Variants in GPR107 observed in about 807,000 individuals in gnomAD.
GPR107 encodes protein GPR107.
A neutral mutation model predicts 75.5 loss-of-function variants in GPR107; 31 were observed. The ratio of observed to expected loss-of-function variants is 0.41; its 90% CI spans 0.31 to 0.55. GPR107 has a LOEUF of 0.55. GPR107 is among the 20% of genes least tolerant of loss of function. GPR107 has a pLI of 0.26. For synonymous variants in GPR107, 267 were observed against 251.3 expected, an observed-to-expected ratio of 1.06 and a Z score of -0.59; for missense variants, 572 against 665.7, an observed-to-expected ratio of 0.86 and a Z score of 1.55.
chr9:130,070,562 C>T (rs981612375), intron 1 of GPR107, among the ~76,000 whole-genome samples: 1 of 152,100 alleles, frequency 6.6e-6, no homozygotes, highest in African/African-American at 2.4e-5. Flanking sequence ...CCTTGACCCC[C>T]CAAAGTGCTG....
At chr9:130,080,147 C>T (rs1681590145) in intron 5 of GPR107, among the ~76,000 whole-genome samples, 1 of 152,178 alleles carries the variant, frequency 6.6e-6, no homozygotes, top group African/African-American at 2.4e-5. Context: ...ATTTGCTCAA[C>T]CTTTCCCCTT....
At chr9:130,073,901 A>AT (rs1219222701) in intron 1 of GPR107, among the ~76,000 whole-genome samples, 1 of 152,054 alleles carries the variant, frequency 6.6e-6, no homozygotes, top group Non-Finnish European at 1.5e-5. Flanking sequence ...GATTACAGGC[A>AT]TGTGCCACAA....
chr9:130,070,870 C>G (rs990426876), intron 1 of GPR107, among the ~76,000 whole-genome samples: 2 of 151,720 alleles, frequency 1.3e-5, no homozygotes, highest in Non-Finnish European at 2.9e-5. Context: ...TTGCATGCCA[C>G]CACGCCTGGC....
chr9:130,065,423 G>A (rs2132541909), intron 1 of GPR107, among the ~76,000 whole-genome samples: 1 of 151,134 alleles, frequency 6.6e-6, no homozygotes, highest in South Asian at 2.1e-4. Flanking sequence ...GACAACAAGA[G>A]TGAAACTCCA....
intron 15 of GPR107, among the ~76,000 whole-genome samples, chr9:130,125,597 C>CTTTT (rs71387321): frequency 2.9e-5 from 3 of 103,136 alleles, no homozygotes; most frequent in Non-Finnish European, 5.7e-5. Context: ...ATCTGAGTTC[C>CTTTT]TTTTTTTTTT....
chr9:130,134,697 G>A (rs375971103), intron 17 of GPR107, among the ~76,000 whole-genome samples: 153 of 152,372 alleles, frequency 1.0e-3, no homozygotes, highest in African/African-American at 3.5e-3. Flanking sequence ...TCACATATCT[G>A]TGCGCCACAA....
intron 1 of GPR107, among the ~76,000 whole-genome samples, chr9:130,069,936 G>A (rs1354212940): frequency 6.8e-6 from 1 of 147,374 alleles, no homozygotes; most frequent in Non-Finnish European, 1.5e-5. Context: ...GCCCACCTTG[G>A]CCTCCCATCG....
At chr9:130,115,698 G>GAC (rs1831408685) in intron 14 of GPR107, among the ~76,000 whole-genome samples, 1 of 143,868 alleles carries the variant, frequency 7.0e-6, no homozygotes, top group Admixed American at 7.2e-5. Flanking sequence ...CCGGGAGACA[G>GAC]CTTGCAGTGA....
In GPR107 at chr9:130,095,712, A is replaced by G. The variant is rs533383720; in HGVS notation, c.863+3331A>G. On this transcript the variant is annotated intron_variant, in intron 9 of 17. Transcript: ENST00000347136. The stretch of plus-strand genomic sequence containing the variant: ...CCAGACCGTGATAACACAGTTTTCA[A>G]TCTGTGGTTAAATGAGGCTGACCTA... Among the ~76,000 whole-genome samples the G allele has an allele frequency of 1.1e-4, 17 of 152,048 alleles. 1 individual carries two copies. In the South Asian group the frequency reaches 3.1e-3, roughly 28 times the overall value.
intron 17 of GPR107, chr9:130,133,006 G>A (rs1831865498): frequency 6.6e-6 from 1 of 151,868 alleles, no homozygotes; most frequent in African/African-American, 2.4e-5. Context: ...TCTCATGACG[G>A]GCTTCCTGGC....
intron 14 of GPR107, among the ~76,000 whole-genome samples, chr9:130,115,460 G>T (rs1831398608): frequency 7.4e-6 from 1 of 136,044 alleles, no homozygotes; most frequent in African/African-American, 2.6e-5. Flanking sequence ...GGTCCTTTTT[G>T]TTTTCTTTTA....
chr9:130,083,670 ATGTG>A, intron 6 of GPR107, 68 bp downstream of exon 6: 2 of 849,870 alleles, frequency 2.4e-6, no homozygotes, highest in Non-Finnish European at 3.5e-6. Context: ...TGTTATATGC[ATGTG>A]TGTGTGTGTA....
chr9:130,069,192 C>G (rs768939358), intron 1 of GPR107, among the ~76,000 whole-genome samples: 51 of 152,172 alleles, frequency 3.4e-4, no homozygotes, highest in Non-Finnish European at 6.6e-4. Context: ...TCCTCATCTA[C>G]CAAATGGACA....
chr9:130,077,273 TG>T, intron 3 of GPR107, 25 bp from the exon 4 acceptor site: 1 of 1,141,200 alleles, frequency 8.8e-7, no homozygotes. Flanking sequence ...AATAAGATGA[TG>T]TACAATTGGC....
At chr9:130,128,303 G>A (rs963018056) in intron 16 of GPR107, among the ~76,000 whole-genome samples, 1 of 152,158 alleles carries the variant, frequency 6.6e-6, no homozygotes, top group Admixed American at 6.5e-5. Flanking sequence ...TTAACTACTA[G>A]AGGAAGCCAC....
chr9:130,088,289 C>T (rs1239860834), intron 7 of GPR107, among the ~76,000 whole-genome samples: 1 of 152,240 alleles, frequency 6.6e-6, no homozygotes, highest in South Asian at 2.1e-4. Flanking sequence ...AGGCTCTGCT[C>T]TCGCTGTTCC....
intron 9 of GPR107, among the ~76,000 whole-genome samples, chr9:130,099,173 C>T (rs568006528): frequency 6.6e-6 from 1 of 152,172 alleles, no homozygotes; most frequent in South Asian, 2.1e-4. Context: ...ATTAGTTGGG[C>T]ATGGTGGCAT....
In GPR107 at chr9:130,063,222, G is replaced by A. The variant is rs142286743; in HGVS notation, c.141+9149G>A. Among the ~76,000 whole-genome samples, 929 of 150,868 alleles carry A rather than the reference G, an allele frequency of 6.2e-3. 15 individuals are homozygous for A. Among genetic ancestry groups the A allele is most frequent in the African/African-American group, 0.021 (869 of 41,092 alleles). On this transcript the variant is annotated intron_variant, in intron 1 of 17. Coordinates refer to ENST00000347136, the MANE Select transcript of GPR107 (RefSeq NM_020960.5). ...TTTTTTTTTTTTGAGACGGAGTCTCGCTCTGTCGCCCAGGCTGGAGTGCAA... is the reference window on the plus strand; with the variant it reads ...TTTTTTTTTTTTGAGACGGAGTCTCACTCTGTCGCCCAGGCTGGAGTGCAA...
chr9:130,090,458 C>G (rs1327300426), intron 7 of GPR107, among the ~76,000 whole-genome samples: 1 of 141,166 alleles, frequency 7.1e-6, no homozygotes, highest in African/African-American at 2.7e-5. Context: ...GACTAGATAA[C>G]CACATCTTAG....
Sources: allele counts gnomAD v4.1 joint callset (sites outside exome capture counted in the v4.1 genomes callset), GRCh38; gene constraint gnomAD v4.1.1; transcripts MANE v1.5; gene names NCBI Gene and HGNC (gene_info 2026-07-23, HGNC 2026-07-21).